The following SCAMP5 variants were observed in gnomAD, a reference collection of about 807,000 sequenced individuals.
The protein encoded by SCAMP5 is secretory carrier membrane protein 5, also known as secretory carrier-associated membrane protein 5.
Under a neutral mutation model 28.3 loss-of-function variants are expected in SCAMP5, and 7 were observed. That is an observed-to-expected ratio of 0.25 (90% CI 0.14 to 0.46). The LOEUF (loss-of-function observed/expected upper bound fraction) is 0.46. Among genes scored for constraint, SCAMP5 ranks in the 20% least tolerant of loss-of-function variants. The pLI is 0.99. For synonymous variants in SCAMP5, 117 were observed against 116.4 expected (o/e 1.00, Z -0.03); for missense variants, 192 against 312.5 (o/e 0.61, Z 2.91).
At chr15:75,007,977 G>T (rs1200032396) in intron 1 of SCAMP5, among the ~76,000 whole-genome samples, 1 of 152,172 alleles carries the variant, frequency 6.6e-6, no homozygotes, top group East Asian at 1.9e-4. Context: ...TGGAATTCCA[G>T]TCATGAACCA....
intron 3 of SCAMP5, chr15:75,013,083 T>A (rs938948616): frequency 2.1e-6 from 1 of 474,366 alleles, no homozygotes; most frequent in African/African-American, 2.0e-5. Flanking sequence ...TGGACAGGGG[T>A]CCCTCTCTGC....
At chr15:75,010,381 T>G (rs1335780661) in intron 1 of SCAMP5, among the ~76,000 whole-genome samples, 3 of 152,122 alleles carry the variant, frequency 2.0e-5, no homozygotes, top group Admixed American at 6.6e-5. Flanking sequence ...AGTCTTCCAA[T>G]TGCTCCCTTT....
intron 1 of SCAMP5, among the ~76,000 whole-genome samples, chr15:74,999,557 G>A (rs2065683182): frequency 6.6e-6 from 1 of 152,134 alleles, no homozygotes; most frequent in Non-Finnish European, 1.5e-5. Flanking sequence ...TCGCACCACT[G>A]CCCTCCAGCC....
At chr15:74,999,123 T>C (rs1161450020) in intron 1 of SCAMP5, among the ~76,000 whole-genome samples, 2 of 152,228 alleles carry the variant, frequency 1.3e-5, no homozygotes, top group African/African-American at 2.4e-5. Context: ...GTGGTCCTCA[T>C]TGGCATGTGG....
intron 1 of SCAMP5, among the ~76,000 whole-genome samples, chr15:75,005,021 A>G (rs1328476565): frequency 6.6e-6 from 1 of 152,148 alleles, no homozygotes; most frequent in Non-Finnish European, 1.5e-5. Flanking sequence ...CTAAAAATAC[A>G]AAAATTAGCT....
At chr15:75,008,452 A>C (rs898310223) in intron 1 of SCAMP5, among the ~76,000 whole-genome samples, 5 of 149,486 alleles carry the variant, frequency 3.3e-5, no homozygotes, top group South Asian at 2.1e-4. Flanking sequence ...TTTTTACTTA[A>C]TATATCCTGG....
chr15:75,008,086 G>A (rs767491364), intron 1 of SCAMP5, among the ~76,000 whole-genome samples: 1 of 133,248 alleles, frequency 7.5e-6, no homozygotes, highest in African/African-American at 2.4e-5. Flanking sequence ...AGTTACTTGG[G>A]CTCTTTTTTT....
At chr15:75,003,989 C>A (rs2065732806) in intron 1 of SCAMP5, among the ~76,000 whole-genome samples, 1 of 151,984 alleles carries the variant, frequency 6.6e-6, no homozygotes, top group Non-Finnish European at 1.5e-5. Context: ...ACCGCAACCT[C>A]CGCTTCCGGG....
rs759064346 is a variant in SCAMP5, at chr15:75,017,861, C to T, written c.294-9C>T. ...GCCCAGGTGACGGGAGCCACCTCCT[C>T]TGCCGCAGGACTGACAGCTCCTTCA... On this transcript the variant is annotated splice_polypyrimidine_tract_variant and intron_variant, in intron 4 of 6. Coordinates refer to ENST00000425597, the MANE Select transcript of SCAMP5 (RefSeq NM_138967.4). 2.5e-6 allele frequency: 4 copies of T among 1,604,886 alleles called. No homozygotes were observed. The highest frequency in any genetic ancestry group is 1.7e-4 in the Middle Eastern group (1 of 6,036).
At chr15:75,002,705 T>A (rs898546277) in intron 1 of SCAMP5, among the ~76,000 whole-genome samples, 18 of 151,814 alleles carry the variant, frequency 1.2e-4, no homozygotes, top group Non-Finnish European at 2.6e-4. Context: ...CAGCTGCTCC[T>A]TCTCATTCTT....
At chr15:75,010,842 T>C (rs2065805038) in intron 1 of SCAMP5, among the ~76,000 whole-genome samples, 1 of 151,926 alleles carries the variant, frequency 6.6e-6, no homozygotes, top group African/African-American at 2.4e-5. Context: ...TGCTTTCCCA[T>C]CTGCCTAGAA....
chr15:75,014,869 T>C (rs911632465), intron 3 of SCAMP5, among the ~76,000 whole-genome samples: 1 of 152,192 alleles, frequency 6.6e-6, no homozygotes, highest in Non-Finnish European at 1.5e-5. Flanking sequence ...GTGTCTTTTC[T>C]ATATAAAGAG....
rs756643325 is a variant in SCAMP5 at position 75,012,668 on chromosome 15, C to A, written c.8-9C>A. 1.9e-6 allele frequency: 3 copies of A among 1,613,916 alleles called. No individual in the cohort carries two copies. The highest frequency in any genetic ancestry group is 2.5e-6 in the Non-Finnish European group (3 of 1,179,784). ...GGAGGTGATGTTGTGCAATGTGTCT[C>A]ATCCACAGAGAAAGTGAACAACTTC... On this transcript the variant is annotated splice_polypyrimidine_tract_variant and intron_variant, in intron 2 of 6. Coordinates refer to ENST00000425597, the MANE Select transcript of SCAMP5 (RefSeq NM_138967.4).
rs141266024 is a variant in SCAMP5 at position 75,009,168 on chromosome 15, G to A, written c.-48-2624G>A. Among the ~76,000 whole-genome samples, 39 of 152,086 alleles carry A rather than the reference G, an allele frequency of 2.6e-4. 1 individual carries two copies. In the East Asian group the frequency reaches 6.0e-3, roughly 23 times the overall value. On this transcript the variant is annotated intron_variant, in intron 1 of 6. Transcript: ENST00000425597. The stretch of plus-strand genomic sequence containing the variant: ...GCAAAGCATTTTTAAAAATAGCTGC[G>A]GAACAGTCCATTGTATGACTACCAT...
In SCAMP5 at chr15:75,018,102, C is replaced by T; in HGVS notation, c.395+131C>T. The stretch of plus-strand genomic sequence containing the variant: ...GGGTTGTTGGGAGAGTGAGAGGATT[C>T]GGGATAGTGTAGTAGTACAACCATA... On this transcript the variant is annotated intron_variant, in intron 5 of 6. Coordinates refer to ENST00000425597, the MANE Select transcript of SCAMP5 (RefSeq NM_138967.4). The surrounding 1 kb of genome is among the most constrained non-coding windows in gnomAD (Gnocchi z 5.6). 3 of 657,142 alleles carry T rather than the reference C, an allele frequency of 4.6e-6. No individual in the cohort carries two copies. The highest frequency in any genetic ancestry group is 2.6e-5 in the Admixed American group (1 of 38,960). 40.7% of individuals were successfully genotyped at this position (657,142 alleles called of 1,614,324 possible). A position where few individuals can be genotyped will look rare whatever the true frequency, so the allele number is the denominator to read the frequency against.
rs751772069 is a variant in SCAMP5 at position 75,011,800 on chromosome 15, A to G, written c.-40A>G. ...CTTTTCTTTCCTTGCAGTTCAGGAC[A>G]AAGAGGTGTGGGCAGGCCACTGGGC... On this transcript the variant is annotated 5_prime_UTR_variant, in exon 2 of 7. Coordinates refer to ENST00000425597, the MANE Select transcript of SCAMP5 (RefSeq NM_138967.4). 3 of 1,604,438 alleles carry G rather than the reference A, an allele frequency of 1.9e-6. No homozygotes were observed. Among genetic ancestry groups the G allele is most frequent in the Non-Finnish European group, 2.6e-6 (3 of 1,171,678 alleles).
chr15:75,015,467 G>C (rs2065850895), intron 3 of SCAMP5, among the ~76,000 whole-genome samples: 1 of 152,012 alleles, frequency 6.6e-6, no homozygotes, highest in Non-Finnish European at 1.5e-5. Flanking sequence ...GGGGGGCCTG[G>C]GTCCTGTTCT....
At chr15:75,008,896 A>G (rs2065785847) in intron 1 of SCAMP5, among the ~76,000 whole-genome samples, 1 of 152,234 alleles carries the variant, frequency 6.6e-6, no homozygotes, top group Non-Finnish European at 1.5e-5. Flanking sequence ...GCTAATGCAA[A>G]TAGTGTCATG....
At chr15:75,006,082 C>T (rs1234972285) in intron 1 of SCAMP5, among the ~76,000 whole-genome samples, 1 of 147,396 alleles carries the variant, frequency 6.8e-6, no homozygotes, top group African/African-American at 2.5e-5. Flanking sequence ...ACTGAAACCT[C>T]CGCCTCCCGG....
Sources: allele counts gnomAD v4.1 joint callset (sites outside exome capture counted in the v4.1 genomes callset), GRCh38; gene constraint gnomAD v4.1.1; non-coding constraint Gnocchi (gnomAD v3.1); transcripts MANE v1.5; gene names NCBI Gene and HGNC (gene_info 2026-07-23, HGNC 2026-07-21).